The following BCL2L13 variants were observed in gnomAD, a reference collection of about 807,000 sequenced individuals.
BCL2L13 encodes bcl-2-like protein 13.
In BCL2L13, 13 loss-of-function variants were observed where a neutral mutation model predicts 25.8. The ratio of observed to expected loss-of-function variants is 0.50; its 90% CI spans 0.33 to 0.80. The LOEUF is 0.80. BCL2L13 is among the 30% of genes least tolerant of loss of function. The pLI, the probability that BCL2L13 is intolerant of heterozygous loss-of-function variation, is 0.02. For missense variants in BCL2L13, 504 were observed against 574.9 expected, an observed-to-expected ratio of 0.88 and a Z score of 1.26; for synonymous variants, 244 against 230.3, an observed-to-expected ratio of 1.06 and a Z score of -0.54.
chr22:17,688,570 TTTCTC>T (rs1486107891), intron 3 of BCL2L13, among the ~76,000 whole-genome samples: 6 of 152,304 alleles, frequency 3.9e-5, no homozygotes, highest in African/African-American at 1.4e-4. Context: ...AGTTGTTTCT[TTTCTC>T]TTAAATCTAA....
At chr22:17,653,928 C>T (rs577050545) in intron 1 of BCL2L13, among the ~76,000 whole-genome samples, 2 of 149,966 alleles carry the variant, frequency 1.3e-5, no homozygotes, top group African/African-American at 5.0e-5. Context: ...GCCGACATTG[C>T]CTCTTTTTCC....
chr22:17,656,638 C>T (rs900006168), intron 2 of BCL2L13, among the ~76,000 whole-genome samples: 2 of 151,594 alleles, frequency 1.3e-5, no homozygotes, highest in African/African-American at 4.8e-5. Context: ...TGAGCCACGG[C>T]GCCCAACTCA....
At chr22:17,712,741 G>C (rs1430866343) in intron 6 of BCL2L13, among the ~76,000 whole-genome samples, 1 of 152,204 alleles carries the variant, frequency 6.6e-6, no homozygotes, top group Non-Finnish European at 1.5e-5. Context: ...GCTTTGGTGA[G>C]TGGGTTCTCC....
chr22:17,693,042 T>C (rs976153719), intron 4 of BCL2L13, among the ~76,000 whole-genome samples: 20 of 152,122 alleles, frequency 1.3e-4, no homozygotes, highest in Non-Finnish European at 2.6e-4. Context: ...TGTGTCAGAA[T>C]CTTAACTTGA....
At chr22:17,648,381 A>T (rs2058566646) in intron 1 of BCL2L13, among the ~76,000 whole-genome samples, 2 of 152,000 alleles carry the variant, frequency 1.3e-5, no homozygotes, top group African/African-American at 4.8e-5. Flanking sequence ...CTGCATTGCT[A>T]CACAACTGGA....
At chr22:17,649,802 C>T (rs561591905) in intron 1 of BCL2L13, among the ~76,000 whole-genome samples, 3 of 146,662 alleles carry the variant, frequency 2.0e-5, no homozygotes, top group African/African-American at 5.0e-5. Context: ...TGTGCCTGGC[C>T]GCTGAAGAGA....
At chr22:17,662,138 T>C (rs977382822) in intron 2 of BCL2L13, among the ~76,000 whole-genome samples, 4 of 152,204 alleles carry the variant, frequency 2.6e-5, no homozygotes, top group South Asian at 2.1e-4. Flanking sequence ...TGTGAAGTTG[T>C]ATATTTCCTT....
At chr22:17,695,240 G>A (rs561248679) in intron 4 of BCL2L13, among the ~76,000 whole-genome samples, 2 of 152,244 alleles carry the variant, frequency 1.3e-5, no homozygotes, top group East Asian at 1.9e-4. Context: ...TAACTGCAAG[G>A]GGCTGGAAAA....
chr22:17,651,340 T>C (rs2058678152), intron 1 of BCL2L13, among the ~76,000 whole-genome samples: 1 of 151,072 alleles, frequency 6.6e-6, no homozygotes, highest in African/African-American at 2.4e-5. Context: ...TACAGAATAC[T>C]TAGAATTTTG....
intron 1 of BCL2L13, among the ~76,000 whole-genome samples, chr22:17,650,172 CTCT>C (rs2058635448): frequency 1.3e-5 from 2 of 152,064 alleles, no homozygotes; most frequent in South Asian, 2.1e-4. Flanking sequence ...GCCCGGCTGA[CTCT>C]TCTTATTTTC....
At chr22:17,664,135 C>T (rs1299600198) in intron 2 of BCL2L13, among the ~76,000 whole-genome samples, 4 of 152,284 alleles carry the variant, frequency 2.6e-5, no homozygotes, top group Non-Finnish European at 5.9e-5. Context: ...AGGTGTGAGC[C>T]ACCGCGCCCA....
At chr22:17,713,592 G>C (rs982394692) in intron 6 of BCL2L13, among the ~76,000 whole-genome samples, 1 of 151,254 alleles carries the variant, frequency 6.6e-6, no homozygotes, top group Non-Finnish European at 1.5e-5. Context: ...CTCCCGAGTA[G>C]CTGGGACTAC....
rs2061335154 is a variant in BCL2L13 at position 17,727,712 on chromosome 22, C to G, written c.*178C>G. 1.3e-6 allele frequency: 1 copy of G among 792,920 alleles called. No homozygotes were observed. The highest frequency in any genetic ancestry group is 1.7e-5 in the African/African-American group (1 of 57,464). 49.1% of individuals were successfully genotyped at this position (792,920 alleles called of 1,614,324 possible). A position where few individuals can be genotyped will look rare whatever the true frequency, so the allele number is the denominator to read the frequency against. On this transcript the variant is annotated 3_prime_UTR_variant, in exon 7 of 7. Coordinates refer to ENST00000317582, the MANE Select transcript of BCL2L13 (RefSeq NM_015367.4). ...GGGCTTGAGGTGGGGCATTCACATT[C>G]ATCTGACTGTAAATCCCAAGGGCCT...
In BCL2L13 at chr22:17,728,095, G is replaced by GTGTATA; in HGVS notation, c.*561_*562insTGTATA. Reference sequence around the variant, plus strand: ...CCCTTAGAATTTCATCTTTCTCGATGAGCAGGCTCTGCACCCACTCTTTTT... The same window carrying GTGTATA: ...CCCTTAGAATTTCATCTTTCTCGATGTGTATAAGCAGGCTCTGCACCCACTCTTTTT... On this transcript the variant is annotated 3_prime_UTR_variant, in exon 7 of 7. Coordinates refer to ENST00000317582, the MANE Select transcript of BCL2L13 (RefSeq NM_015367.4). 1 of 157,252 alleles carries GTGTATA rather than the reference G, an allele frequency of 6.4e-6. No individual in the cohort carries two copies. The highest frequency in any genetic ancestry group is 5.9e-5 in the Admixed American group (1 of 16,934). 9.7% of individuals were successfully genotyped at this position (157,252 alleles called of 1,614,324 possible). A position where few individuals can be genotyped will look rare whatever the true frequency, so the allele number is the denominator to read the frequency against.
At chr22:17,674,961 G>T (rs2059535301) in intron 2 of BCL2L13, among the ~76,000 whole-genome samples, 1 of 152,008 alleles carries the variant, frequency 6.6e-6, no homozygotes, top group Non-Finnish European at 1.5e-5. Context: ...TCTATAGTAG[G>T]AATAACAGAT....
At chr22:17,714,321 G>A (rs1035634130) in intron 6 of BCL2L13, among the ~76,000 whole-genome samples, 11 of 151,504 alleles carry the variant, frequency 7.3e-5, no homozygotes, top group East Asian at 1.9e-4. Context: ...GTGTGATGGC[G>A]CACACCTGTA....
At chr22:17,650,489 G>T (rs1399036185) in intron 1 of BCL2L13, among the ~76,000 whole-genome samples, 4 of 152,026 alleles carry the variant, frequency 2.6e-5, no homozygotes, top group Non-Finnish European at 5.9e-5. Flanking sequence ...TGGCATTGGC[G>T]GTGGGAGGCA....
intron 4 of BCL2L13, among the ~76,000 whole-genome samples, chr22:17,693,073 CT>C (rs1252901567): frequency 1.3e-5 from 2 of 151,976 alleles, no homozygotes; most frequent in African/African-American, 4.8e-5. Flanking sequence ...GTATAATGGC[CT>C]TTGATACCAG....
chr22:17,684,583 G>A (rs1435781344), intron 3 of BCL2L13: 1 of 453,796 alleles, frequency 2.2e-6, no homozygotes, highest in African/African-American at 2.0e-5. Flanking sequence ...GGTGTTTTGA[G>A]ATGCAGTTTC....
Sources: gnomAD v4.1 joint callset for allele counts (sites outside exome capture counted in the v4.1 genomes callset) on GRCh38, gnomAD v4.1.1 for gene constraint, MANE v1.5 for transcripts, NCBI Gene and HGNC (gene_info 2026-07-23, HGNC 2026-07-21) for gene names.